DHX36: variants seen among roughly 807,000 people sequenced by gnomAD.
DHX36 encodes the protein ATP-dependent DNA/RNA helicase DHX36.
A neutral mutation model predicts 139.0 loss-of-function variants in DHX36; 50 were observed. That is an observed-to-expected ratio of 0.36 (90% CI 0.29 to 0.46). The LOEUF (loss-of-function observed/expected upper bound fraction) is 0.46, where lower values mean the gene tolerates loss of function less well. Ranked by LOEUF, DHX36 falls within the 20% of genes least tolerant of loss-of-function variation. DHX36 has a pLI of 1.00. For synonymous variants in DHX36, 425 were observed against 401.9 expected (o/e 1.06, Z -0.69); for missense variants, 1,024 against 1,211.3 (o/e 0.85, Z 2.29).
intron 6 of DHX36, 139 bp downstream of exon 6, chr3:154,306,077 T>A (rs1419224507): frequency 5.2e-6 from 3 of 577,726 alleles, no homozygotes; most frequent in Non-Finnish European, 9.0e-6. Context: ...CAGCAAGTCA[T>A]CTACGCTGCA....
At chr3:154,297,370 T>C (rs1436279263) in intron 12 of DHX36, among the ~76,000 whole-genome samples, 1 of 152,180 alleles carries the variant, frequency 6.6e-6, no homozygotes, top group African/African-American at 2.4e-5. Flanking sequence ...AAGAAAAAAC[T>C]AGGACTGAAA....
At chr3:154,291,917 G>C (rs1711832366) in intron 15 of DHX36, among the ~76,000 whole-genome samples, 1 of 152,206 alleles carries the variant, frequency 6.6e-6, no homozygotes, top group African/African-American at 2.4e-5. Context: ...CATTAAGACA[G>C]AGATAGTTTT....
intron 19 of DHX36, 139 bp from the exon 20 acceptor site, chr3:154,283,410 A>C (rs544592801): frequency 1.6e-6 from 1 of 620,592 alleles, no homozygotes; most frequent in Admixed American, 2.9e-5. Flanking sequence ...GAATTTTATA[A>C]CTGATAAAAC....
chr3:154,300,554 T>C (rs1712226188), intron 11 of DHX36, 40 bp downstream of exon 11: 1 of 1,517,700 alleles, frequency 6.6e-7, no homozygotes, highest in South Asian at 1.1e-5. Context: ...GTTAATAAAA[T>C]TAAAATTATG....
At chr3:154,292,266 C>T (rs941814856) in intron 15 of DHX36, among the ~76,000 whole-genome samples, 1 of 152,004 alleles carries the variant, frequency 6.6e-6, no homozygotes, top group Admixed American at 6.6e-5. Context: ...TATTATCACA[C>T]AATATATGCT....
chr3:154,300,029 A>T, intron 11 of DHX36, 104 bp from the exon 12 acceptor site: 1 of 740,902 alleles, frequency 1.3e-6, no homozygotes, highest in Non-Finnish European at 2.3e-6. Flanking sequence ...ATACTAGCTC[A>T]GGATAATTTT....
intron 3 of DHX36, 104 bp from the exon 4 acceptor site, chr3:154,311,778 G>C (rs1712772401): frequency 2.6e-6 from 2 of 784,118 alleles, no homozygotes; most frequent in Non-Finnish European, 3.9e-6. Context: ...GAATCCGAAA[G>C]TATTTTTATT....
intron 15 of DHX36, among the ~76,000 whole-genome samples, chr3:154,291,501 G>C (rs1350884179): frequency 6.6e-6 from 1 of 152,184 alleles, no homozygotes; most frequent in Non-Finnish European, 1.5e-5. Context: ...CCCTTATCAA[G>C]TTATTCCCTG....
At chr3:154,298,332 G>A (rs1422065218) in intron 12 of DHX36, among the ~76,000 whole-genome samples, 1 of 151,906 alleles carries the variant, frequency 6.6e-6, no homozygotes, top group East Asian at 1.9e-4. Context: ...TAATAATGGG[G>A]GAAGGAAAGG....
In DHX36 at chr3:154,295,283, C is replaced by G; in HGVS notation, c.1605+1G>C. Reference sequence around the variant, plus strand: ...TTAACAAATGTATCCATTTAACATACCTGTGTCTGGTTAACTGTAGGCATC... The same window carrying G: ...TTAACAAATGTATCCATTTAACATAGCTGTGTCTGGTTAACTGTAGGCATC... On this transcript the variant is annotated splice_donor_variant, in intron 13 of 24. Transcript: ENST00000496811. LOFTEE classifies it high-confidence loss of function. 1 of 1,540,426 alleles carries G rather than the reference C, an allele frequency of 6.5e-7. No individual in the cohort carries two copies.
At chr3:154,293,457 C>T (rs1301608558) in intron 14 of DHX36, among the ~76,000 whole-genome samples, 5 of 152,208 alleles carry the variant, frequency 3.3e-5, no homozygotes, top group Admixed American at 2.6e-4. Flanking sequence ...TGGCACAAGC[C>T]TGTAGTACAA....
intron 4 of DHX36, among the ~76,000 whole-genome samples, chr3:154,310,502 G>A (rs967488508): frequency 1.3e-5 from 2 of 151,198 alleles, no homozygotes; most frequent in African/African-American, 4.9e-5. Context: ...CCCCACTTAG[G>A]CCGGGCATGG....
Position 154,315,041 on chromosome 3 carries a change from A to G in DHX36, c.603+5T>C. On this transcript the variant is annotated splice_donor_5th_base_variant and intron_variant, in intron 3 of 24. Coordinates refer to ENST00000496811, the MANE Select transcript of DHX36 (RefSeq NM_020865.3). ...ACAAAATATTTTTTGACATCTTTCT[A>G]CTACCTGCATTTCAATATACCGAAG... is the stretch of plus-strand genomic sequence containing the variant. The G allele has an allele frequency of 6.4e-7, 1 of 1,564,274 alleles. No homozygotes were observed. Among genetic ancestry groups the G allele is most frequent in the East Asian group, 2.2e-5 (1 of 44,538 alleles).
Position 154,324,267 on chromosome 3 carries a change from CCTGCCGCCTCGACCACCCCCTCCGCCG to C in DHX36, c.123_149del (p.Gly43_Gly51del). The C allele has an allele frequency of 6.2e-7, 1 of 1,613,630 alleles. No individual in the cohort carries two copies. Among genetic ancestry groups the C allele is most frequent in the Non-Finnish European group, 8.5e-7 (1 of 1,179,782 alleles). On this transcript the variant is annotated inframe_deletion, in exon 1 of 25. Coordinates refer to ENST00000496811, the MANE Select transcript of DHX36 (RefSeq NM_020865.3). ...CTTTCAGGTGCCCGGGATGCCGGCCCCTGCCGCCTCGACCACCCCCTCCGCCGCCGCCGCCTCCTCCGGAGCCTCGGT... is the reference window on the plus strand; with the variant it reads ...CTTTCAGGTGCCCGGGATGCCGGCCCCCGCCGCCTCCTCCGGAGCCTCGGT...
chr3:154,276,222 C>G lies in DHX36; in HGVS notation c.2976G>C (p.Lys992Asn). 2.5e-6 allele frequency: 4 copies of G among 1,613,170 alleles called. No homozygotes were observed. The highest frequency in any genetic ancestry group is 3.4e-6 in the Non-Finnish European group (4 of 1,179,638). The change falls in exon 25 of 25, where the codon AAG (lysine) becomes AAC (asparagine). Residue 992 changes from lysine (K) to asparagine (N), a missense_variant. Lys to Asn is a moderately conservative substitution (Grantham distance 94, BLOSUM62 0). Coordinates refer to ENST00000496811, the MANE Select transcript of DHX36 (RefSeq NM_020865.3). ...GTGGCGGAAAGTTCCTGGGAGTTGC[C>G]TTTTCCTGTGTTTTGATCAAGTCTA... ...AIIDLIKTQEKATPRNFPPRF... is the reference protein window; with the variant it reads ...AIIDLIKTQENATPRNFPPRF...
chr3:154,311,895 T>C, intron 3 of DHX36: 1 of 418,316 alleles, frequency 2.4e-6, no homozygotes, highest in South Asian at 5.2e-5. Flanking sequence ...ATAGAGACAA[T>C]GCTTTAAGTC....
intron 22 of DHX36, chr3:154,280,343 T>C (rs1719293715): frequency 2.3e-6 from 1 of 437,560 alleles, no homozygotes. Flanking sequence ...ACTGGTATCA[T>C]GTGGTAGCAT....
chr3:154,324,300 G>T lies in DHX36; in HGVS notation c.117C>A (p.Gly39=). 3.1e-6 allele frequency: 5 copies of T among 1,604,630 alleles called. No individual in the cohort carries two copies. The highest frequency in any genetic ancestry group is 4.3e-6 in the Non-Finnish European group (5 of 1,176,224). Residue 39 remains glycine, a synonymous_variant, in exon 1 of 25, where the codon GGC becomes GGA. Transcript: ENST00000496811. ...CTCGACCACCCCCTCCGCCGCCGCC[G>T]CCTCCTCCGGAGCCTCGGTTACCTC... ...GHGGNRGSGG[G]GGGGGGGRGG... is the part of the protein sequence containing the mutation.
Position 154,280,680 on chromosome 3 carries a change from T to C in DHX36, c.2477-11A>G. 1.2e-6 allele frequency: 2 copies of C among 1,610,164 alleles called. No individual in the cohort carries two copies. Among genetic ancestry groups the C allele is most frequent in the South Asian group, 2.2e-5 (2 of 90,704 alleles). On this transcript the variant is annotated splice_polypyrimidine_tract_variant and intron_variant, in intron 21 of 24. Transcript: ENST00000496811. ...TTATCTTCTCATTATCTATGGGGGG[T>C]GAGAAGGTAGAGGGGAAAAGAAAAG...
Sources: allele counts gnomAD v4.1 joint callset (sites outside exome capture counted in the v4.1 genomes callset), GRCh38; gene constraint gnomAD v4.1.1; transcripts MANE v1.5; gene names NCBI Gene and HGNC (gene_info 2026-07-23, HGNC 2026-07-21).